Variants in DNAJC10 observed in about 807,000 individuals in gnomAD.
The protein encoded by DNAJC10 is DnaJ heat shock protein family (Hsp40) member C10.
In DNAJC10, 101 loss-of-function variants were observed where a neutral mutation model predicts 115.0. The observed-to-expected ratio is 0.88, with a 90% CI of 0.75 to 1.04. The LOEUF is 1.04. DNAJC10 is among the 50% of genes least tolerant of loss of function. DNAJC10 has a pLI of 0.00. For missense variants in DNAJC10, 981 were observed against 928.8 expected (o/e 1.06, Z -0.73); for synonymous variants, 307 against 301.5 (o/e 1.02, Z -0.19).
In DNAJC10 at chr2:182,793,070, G is replaced by C. The variant is rs1362982856; in HGVS notation, c.*15938G>C. The C allele has an allele frequency of 6.6e-6, 1 of 152,510 alleles. No homozygotes were observed. Among genetic ancestry groups the C allele is most frequent in the Non-Finnish European group, 1.5e-5 (1 of 68,350 alleles). The allele number at this position is 152,510 out of a possible 1,614,324, so 9.4% of individuals were successfully genotyped here. ...ATAGGGTGGACAGGGCAGGTCTCTTGGAGAAGATGCCATTGAAGGAGGTGG... is the reference window on the plus strand; with the variant it reads ...ATAGGGTGGACAGGGCAGGTCTCTTCGAGAAGATGCCATTGAAGGAGGTGG... On this transcript the variant is annotated 3_prime_UTR_variant, in exon 24 of 24. Coordinates refer to ENST00000264065, the MANE Select transcript of DNAJC10 (RefSeq NM_018981.4).
rs1183984249 is a variant in DNAJC10, at chr2:182,784,571, C to T, written c.*7439C>T. 6.6e-6 allele frequency: 1 copy of T among 152,072 alleles called. No homozygotes were observed. The highest frequency in any genetic ancestry group is 1.9e-4 in the East Asian group (1 of 5,190). The allele number at this position is 152,072 out of a possible 1,614,324, so 9.4% of individuals were successfully genotyped here. ...TGTTTAAAACTAATTTGCCAGAGCTCTACTGTGATAAGAATTTCTGACTAG... is the reference window on the plus strand; with the variant it reads ...TGTTTAAAACTAATTTGCCAGAGCTTTACTGTGATAAGAATTTCTGACTAG... On this transcript the variant is annotated 3_prime_UTR_variant, in exon 24 of 24. Coordinates refer to ENST00000264065, the MANE Select transcript of DNAJC10 (RefSeq NM_018981.4).
In DNAJC10 at chr2:182,729,844, A is replaced by G. The variant is rs776658635; in HGVS notation, c.634-4A>G. On this transcript the variant is annotated splice_polypyrimidine_tract_variant and splice_region_variant and intron_variant, in intron 7 of 23. Coordinates refer to ENST00000264065, the MANE Select transcript of DNAJC10 (RefSeq NM_018981.4). ...GATGTTTCTCTTCTTACAAAAACCA[A>G]TAGGCCCCAGTGAAATATCATGGAG... The G allele has an allele frequency of 1.8e-5, 28 of 1,572,752 alleles. No homozygotes were observed. Among genetic ancestry groups the G allele is most frequent in the South Asian group, 6.0e-5 (5 of 83,366 alleles).
Position 182,772,760 on chromosome 2 carries a change from T to C in DNAJC10, c.2266-2556T>C, listed in dbSNP as rs188884483. On this transcript the variant is annotated intron_variant, in intron 22 of 23. Transcript: ENST00000264065. ...TTGCACATGAGATGGGTCTCCTGAA[T>C]ACAGCACACTGATGGGTCTTGACTC... Among the ~76,000 whole-genome samples the C allele has an allele frequency of 9.3e-4, 142 of 152,334 alleles. 1 individual carries two copies. Among genetic ancestry groups the C allele is most frequent in the African/African-American group, 3.2e-3 (135 of 41,572 alleles).
chr2:182,725,676 A>G (rs554571252), intron 5 of DNAJC10, among the ~76,000 whole-genome samples: 1 of 152,194 alleles, frequency 6.6e-6, no homozygotes, highest in Non-Finnish European at 1.5e-5. Context: ...AAGCTAGAAA[A>G]GGTTGGTTCA....
chr2:182,749,539 C>G (rs1386090338), intron 14 of DNAJC10, among the ~76,000 whole-genome samples: 1 of 150,478 alleles, frequency 6.6e-6, no homozygotes. Flanking sequence ...TTATTTTGAG[C>G]CTATGTGTGT....
Position 182,783,540 on chromosome 2 carries a change from TC to T in DNAJC10, c.*6411del, listed in dbSNP as rs2105723104. ...AAAATCATTTATTTACAAAACATCT[TC>T]CCTTTCTTATCATGAAAATTATGAA... is the stretch of plus-strand genomic sequence containing the variant. On this transcript the variant is annotated 3_prime_UTR_variant, in exon 24 of 24. Coordinates refer to ENST00000264065, the MANE Select transcript of DNAJC10 (RefSeq NM_018981.4). 1 of 152,286 alleles carries T rather than the reference TC, an allele frequency of 6.6e-6. No homozygotes were observed. Among genetic ancestry groups the T allele is most frequent in the East Asian group, 1.9e-4 (1 of 5,188 alleles). 9.4% of individuals were successfully genotyped at this position (152,286 alleles called of 1,614,324 possible).
At chr2:182,732,568 T>C in intron 10 of DNAJC10, 26 bp downstream of exon 10, 1 of 1,605,772 alleles carries the variant, frequency 6.2e-7, no homozygotes, top group South Asian at 1.1e-5. Flanking sequence ...TTTGTAAAAC[T>C]ATATCACCAT....
Position 182,754,983 on chromosome 2 carries a change from CATA to C in DNAJC10, c.1552-19_1552-17del. On this transcript the variant is annotated splice_polypyrimidine_tract_variant and intron_variant, in intron 16 of 23. Transcript: ENST00000264065. Reference sequence around the variant, plus strand: ...GGTGAAATCTATAAAATCTTTAATTCATATTCTCCTTCCTATCAGTATAACATT... The same window carrying C: ...GGTGAAATCTATAAAATCTTTAATTCTTCTCCTTCCTATCAGTATAACATT... 6.7e-7 allele frequency: 1 copy of C among 1,494,964 alleles called. No individual in the cohort carries two copies. Among genetic ancestry groups the C allele is most frequent in the Non-Finnish European group, 9.3e-7 (1 of 1,075,504 alleles). 92.6% of individuals were successfully genotyped at this position (1,494,964 alleles called of 1,614,324 possible). A position where few individuals can be genotyped will look rare whatever the true frequency, so the allele number is the denominator to read the frequency against.
chr2:182,733,827 A>T (rs78494415), intron 10 of DNAJC10, among the ~76,000 whole-genome samples: 9,884 of 143,662 alleles, frequency 0.069, 9 homozygotes, highest in Non-Finnish European at 0.1. Flanking sequence ...ATAGATAGAT[A>T]GATTTTCTAC....
chr2:182,777,157 T>C lies in DNAJC10; in HGVS notation c.*25T>C. On this transcript the variant is annotated 3_prime_UTR_variant, in exon 24 of 24. Transcript: ENST00000264065. ...ATAATGTTGAAGATGAAGAAAAAGT[T>C]TAAAAGAAATTCTGACAGATGACAT... 1 of 1,359,000 alleles carries C rather than the reference T, an allele frequency of 7.4e-7. No homozygotes were observed. Among genetic ancestry groups the C allele is most frequent in the South Asian group, 1.6e-5 (1 of 61,644 alleles). The allele number at this position is 1,359,000 out of a possible 1,614,324, so 84.2% of individuals were successfully genotyped here.
In DNAJC10 at chr2:182,730,946, A is replaced by G. The variant is rs560946124; in HGVS notation, c.728-84A>G. On this transcript the variant is annotated intron_variant, in intron 8 of 23. Transcript: ENST00000264065. ...TGGATTAGAAGAGGGTGAGATTAGA[A>G]AGGAAAAATTACTTAGAAGACTGTT... The G allele has an allele frequency of 2.9e-4, 263 of 900,142 alleles. No individual in the cohort carries two copies. The African/African-American group carries it at 3.6e-3, about 12-fold the overall frequency. The allele number at this position is 900,142 out of a possible 1,614,324, so 55.8% of individuals were successfully genotyped here.
In DNAJC10 at chr2:182,759,052, C is replaced by T. The variant is rs1694227125; in HGVS notation, c.1998-108C>T. On this transcript the variant is annotated intron_variant, in intron 20 of 23. Coordinates refer to ENST00000264065, the MANE Select transcript of DNAJC10 (RefSeq NM_018981.4). ...GATAGTACTGTACTTTATTACATTG[C>T]CCTTCCTTGACATCATTTTTAACTT... 1.9e-6 allele frequency: 2 copies of T among 1,079,544 alleles called. 1 individual carries two copies. Among genetic ancestry groups the T allele is most frequent in the Admixed American group, 5.3e-5 (2 of 37,492 alleles). 66.9% of individuals were successfully genotyped at this position (1,079,544 alleles called of 1,614,324 possible).
Position 182,729,845 on chromosome 2 carries a change from TAGGCCCC to T in DNAJC10, c.634_640del (p.Ala212Ter), listed in dbSNP as rs1284648751. 21 of 1,571,972 alleles carry T rather than the reference TAGGCCCC, an allele frequency of 1.3e-5. No individual in the cohort carries two copies. Among genetic ancestry groups the T allele is most frequent in the Non-Finnish European group, 1.6e-5 (19 of 1,163,182 alleles). ...ATGTTTCTCTTCTTACAAAAACCAA[TAGGCCCC>T]AGTGAAATATCATGGAGACAGATCA... On this transcript the variant is annotated splice_acceptor_variant and coding_sequence_variant, in exon 8 of 24. Coordinates refer to ENST00000264065, the MANE Select transcript of DNAJC10 (RefSeq NM_018981.4). LOFTEE classifies it high-confidence loss of function.
intron 14 of DNAJC10, among the ~76,000 whole-genome samples, chr2:182,751,020 G>A (rs1020103866): frequency 2.0e-5 from 3 of 151,718 alleles, no homozygotes; most frequent in Non-Finnish European, 2.9e-5. Flanking sequence ...AAATGATTTA[G>A]GAGTTAGGCC....
At chr2:182,737,677 T>C (rs1693617983) in intron 11 of DNAJC10, among the ~76,000 whole-genome samples, 1 of 152,188 alleles carries the variant, frequency 6.6e-6, no homozygotes, top group Non-Finnish European at 1.5e-5. Flanking sequence ...ATTCAATATC[T>C]TCCTTAGGAT....
intron 9 of DNAJC10, among the ~76,000 whole-genome samples, 190 bp from the exon 10 acceptor site, chr2:182,732,309 A>AGT (rs1200502941): frequency 2.1e-5 from 3 of 144,344 alleles, no homozygotes; most frequent in East Asian, 2.0e-4. Context: ...GGAGCGAGGG[A>AGT]GTGTGTGTGT....
chr2:182,726,803 C>T (rs2105616599), intron 5 of DNAJC10, among the ~76,000 whole-genome samples: 1 of 152,298 alleles, frequency 6.6e-6, no homozygotes, highest in Non-Finnish European at 1.5e-5. Flanking sequence ...AGGATCATAG[C>T]TCATCACAGC....
chr2:182,721,223 T>A (rs940465659), intron 4 of DNAJC10, among the ~76,000 whole-genome samples: 1 of 152,152 alleles, frequency 6.6e-6, no homozygotes. Context: ...TTGCTTTTAG[T>A]AAATATGATT....
rs75866330 is a variant in DNAJC10 at position 182,789,946 on chromosome 2, T to C, written c.*12814T>C. On this transcript the variant is annotated 3_prime_UTR_variant, in exon 24 of 24. Coordinates refer to ENST00000264065, the MANE Select transcript of DNAJC10 (RefSeq NM_018981.4). Reference sequence around the variant, plus strand: ...TTACTTTTTCCATATCAAAGTACTTTGTGGGAAGTTGGTTATTTTACATTC... The same window carrying C: ...TTACTTTTTCCATATCAAAGTACTTCGTGGGAAGTTGGTTATTTTACATTC... 328 of 152,372 alleles carry C rather than the reference T, an allele frequency of 2.2e-3. 1 individual carries two copies. Among genetic ancestry groups the C allele is most frequent in the African/African-American group, 7.5e-3 (312 of 41,590 alleles). 9.4% of individuals were successfully genotyped at this position (152,372 alleles called of 1,614,324 possible). A position where few individuals can be genotyped will look rare whatever the true frequency, so the allele number is the denominator to read the frequency against.
Sources: gnomAD v4.1 joint callset for allele counts (sites outside exome capture counted in the v4.1 genomes callset) on GRCh38, gnomAD v4.1.1 for gene constraint, MANE v1.5 for transcripts, NCBI Gene and HGNC (gene_info 2026-07-23, HGNC 2026-07-21) for gene names.